The following TTC8 variants were observed in gnomAD, a reference collection of about 807,000 sequenced individuals.
TTC8 encodes tetratricopeptide repeat protein 8.
A neutral mutation model predicts 72.5 loss-of-function variants in TTC8; 47 were observed. The ratio of observed to expected loss-of-function variants is 0.65; its 90% CI spans 0.51 to 0.83. The LOEUF is 0.83. Ranked by LOEUF, TTC8 falls within the 40% of genes least tolerant of loss-of-function variation. The pLI is 0.00. For synonymous variants in TTC8, 199 were observed against 221.4 expected, an observed-to-expected ratio of 0.90 and a Z score of 0.90; for missense variants, 611 against 623.2, an observed-to-expected ratio of 0.98 and a Z score of 0.21.
At chr14:88,849,238 A>G (rs1806273673) in intron 7 of TTC8, among the ~76,000 whole-genome samples, 1 of 152,228 alleles carries the variant, frequency 6.6e-6, no homozygotes, top group Non-Finnish European at 1.5e-5. Context: ...ACTCTGGTAC[A>G]GTCTTGCCAC....
At chr14:88,838,041 C>G (rs534359297) in intron 2 of TTC8, among the ~76,000 whole-genome samples, 1 of 152,184 alleles carries the variant, frequency 6.6e-6, no homozygotes, top group Non-Finnish European at 1.5e-5. Context: ...AGCCAATCAT[C>G]TAACCAAATG....
At chr14:88,833,945 A>G in intron 2 of TTC8, 2 of 559,980 alleles carry the variant, frequency 3.6e-6, no homozygotes, top group East Asian at 3.0e-5. Context: ...CAGTCTACTC[A>G]TTGGGACTTG....
In TTC8 at chr14:88,833,936, A is replaced by G. The variant is rs540874624; in HGVS notation, c.144+214A>G. 4.0e-5 allele frequency: 23 copies of G among 577,116 alleles called. No individual in the cohort carries two copies. In the African/African-American group the frequency reaches 4.1e-4, roughly 10 times the overall value. The allele number at this position is 577,116 out of a possible 1,614,324, so 35.7% of individuals were successfully genotyped here. The stretch of plus-strand genomic sequence containing the variant: ...GATAGCCTTGTAGAACTAATAATGC[A>G]GTCTACTCATTGGGACTTGGAGCTT... On this transcript the variant is annotated intron_variant, in intron 2 of 14. Coordinates refer to ENST00000380656, the MANE Select transcript of TTC8 (RefSeq NM_144596.4).
At chr14:88,835,567 T>C (rs543228351) in intron 2 of TTC8, among the ~76,000 whole-genome samples, 75 of 152,314 alleles carry the variant, frequency 4.9e-4, no homozygotes, top group African/African-American at 1.2e-3. Flanking sequence ...TTTATTGATA[T>C]TATGGTACTT....
downstream of TTC8, chr14:88,880,688 C>T (rs1027312225): frequency 6.6e-6 from 1 of 152,142 alleles, no homozygotes; most frequent in African/African-American, 2.4e-5. Flanking sequence ...CGCCCCCAAA[C>T]CCCACCCCTC....
intron 9 of TTC8, among the ~76,000 whole-genome samples, 172 bp from the exon 10 acceptor site, chr14:88,861,050 C>T (rs1019499046): frequency 2.0e-5 from 3 of 152,240 alleles, no homozygotes; most frequent in Non-Finnish European, 4.4e-5. Context: ...GTGGTCCACC[C>T]ACCTCAGCCT....
At chr14:88,853,133 G>A in intron 8 of TTC8, 77 bp downstream of exon 8, 1 of 1,052,716 alleles carries the variant, frequency 9.5e-7, no homozygotes, top group Non-Finnish European at 1.5e-6. Context: ...TTTTGAGGGG[G>A]GGGAGATTTT....
intron 7 of TTC8, among the ~76,000 whole-genome samples, chr14:88,851,929 G>A (rs1040027082): frequency 1.3e-5 from 2 of 152,100 alleles, no homozygotes; most frequent in African/African-American, 2.4e-5. Context: ...TAAGGAACTC[G>A]CATTCATTTC....
intron 11 of TTC8, 119 bp downstream of exon 11, chr14:88,870,317 A>C: frequency 9.2e-7 from 1 of 1,085,572 alleles, no homozygotes; most frequent in Non-Finnish European, 1.4e-6. Flanking sequence ...TGAAACTCAA[A>C]TGTCAACACT....
At chr14:88,879,042 A>C (rs2094966330), downstream of TTC8, 1 of 152,032 alleles carries the variant, frequency 6.6e-6, no homozygotes, top group Non-Finnish European at 1.5e-5. Flanking sequence ...TAAAATGAAC[A>C]TTGTGTGCAT....
rs2094907326 is a variant in TTC8, at chr14:88,865,874, T to C, written c.910-4185T>C. ...CTAGAACTAGTAAAATTTAAACAACTCTGATAAAGGAATAAAGAAAATAGA... is the reference window on the plus strand; with the variant it reads ...CTAGAACTAGTAAAATTTAAACAACCCTGATAAAGGAATAAAGAAAATAGA... On this transcript the variant is annotated intron_variant, in intron 10 of 14. Coordinates refer to ENST00000380656, the MANE Select transcript of TTC8 (RefSeq NM_144596.4). Among the ~76,000 whole-genome samples the C allele has an allele frequency of 2.0e-5, 3 of 151,934 alleles. No homozygotes were observed. The South Asian group carries it at 6.2e-4, about 31-fold the overall frequency.
At chr14:88,828,080 GC>G (rs1278169408) in intron 1 of TTC8, among the ~76,000 whole-genome samples, 1 of 152,122 alleles carries the variant, frequency 6.6e-6, no homozygotes, top group Non-Finnish European at 1.5e-5. Context: ...GTCTTCCCCT[GC>G]CCCATCCTTA....
chr14:88,877,984 C>T lies in TTC8; in HGVS notation c.*574C>T, dbSNP rs551789307. On this transcript the variant is annotated 3_prime_UTR_variant, in exon 15 of 15. Coordinates refer to ENST00000380656, the MANE Select transcript of TTC8 (RefSeq NM_144596.4). ...CTTTAAAATAAATCATTGTGTAAAA[C>T]ACCATCATTTCATTATTTTTTAATG... 3.3e-5 allele frequency: 5 copies of T among 152,170 alleles called. No individual in the cohort carries two copies. In the South Asian group the frequency reaches 1.0e-3, roughly 32 times the overall value. 9.4% of individuals were successfully genotyped at this position (152,170 alleles called of 1,614,324 possible).
At chr14:88,880,583 A>G (rs2094970030), downstream of TTC8, 1 of 151,332 alleles carries the variant, frequency 6.6e-6, no homozygotes, top group Non-Finnish European at 1.5e-5. Flanking sequence ...AGATTTTAGG[A>G]AGAATTTTGT....
rs11159873 is a variant in TTC8 at position 88,828,179 on chromosome 14, G to C, written c.114+3358G>C. On this transcript the variant is annotated intron_variant, in intron 1 of 14. Coordinates refer to ENST00000380656, the MANE Select transcript of TTC8 (RefSeq NM_144596.4). ...TGGGCATTCTTAATTCTTGTTTTGA[G>C]GGTCAGTTTTTAAAAATCAATTTTT... Among the ~76,000 whole-genome samples, 1,285 of 144,310 alleles carry C rather than the reference G, an allele frequency of 8.9e-3. 26 individuals carry two copies. The highest frequency in any genetic ancestry group is 0.03 in the African/African-American group (1,206 of 39,772). 94.7% of individuals were successfully genotyped at this position (144,310 alleles called of 152,430 possible). A position where few individuals can be genotyped will look rare whatever the true frequency, so the allele number is the denominator to read the frequency against.
intron 1 of TTC8, among the ~76,000 whole-genome samples, chr14:88,826,092 A>C (rs2094698880): frequency 6.6e-6 from 1 of 151,582 alleles, no homozygotes; most frequent in Non-Finnish European, 1.5e-5. Flanking sequence ...GGTTCAAGCG[A>C]TTCTCCTGCC....
chr14:88,831,059 T>A (rs2094723475), intron 1 of TTC8: 1 of 361,622 alleles, frequency 2.8e-6, no homozygotes, highest in Non-Finnish European at 5.5e-6. Flanking sequence ...AGGACTTGTT[T>A]TCTGGTCACA....
At chr14:88,844,284 G>A (rs904956443) in intron 7 of TTC8, among the ~76,000 whole-genome samples, 1 of 152,172 alleles carries the variant, frequency 6.6e-6, no homozygotes, top group African/African-American at 2.4e-5. Flanking sequence ...ACATACAAAA[G>A]TAGAGGGAAT....
At chr14:88,847,685 A>G (rs1178998988) in intron 7 of TTC8, among the ~76,000 whole-genome samples, 5 of 152,234 alleles carry the variant, frequency 3.3e-5, no homozygotes, top group Admixed American at 3.3e-4. Context: ...TTGTGAAACA[A>G]TCACAAAGGA....
Sources: gnomAD v4.1 joint callset for allele counts (sites outside exome capture counted in the v4.1 genomes callset) on GRCh38, gnomAD v4.1.1 for gene constraint, MANE v1.5 for transcripts, NCBI Gene and HGNC (gene_info 2026-07-23, HGNC 2026-07-21) for gene names.